Variants in ZBTB44 observed in about 807,000 individuals in gnomAD.
ZBTB44 encodes the protein zinc finger and BTB domain containing 44.
A neutral mutation model predicts 54.0 loss-of-function variants in ZBTB44; 15 were observed. The ratio of observed to expected loss-of-function variants is 0.28; its 90% CI spans 0.19 to 0.43. The LOEUF is 0.43. Ranked by LOEUF, ZBTB44 falls within the 20% of genes least tolerant of loss-of-function variation. The pLI, the probability that ZBTB44 is intolerant of heterozygous loss-of-function variation, is 1.00. For synonymous variants in ZBTB44, 230 were observed against 250.1 expected, an observed-to-expected ratio of 0.92 and a Z score of 0.76; for missense variants, 487 against 707.1, an observed-to-expected ratio of 0.69 and a Z score of 3.53.
intron 2 of ZBTB44, among the ~76,000 whole-genome samples, chr11:130,252,056 T>C (rs913231885): frequency 4.6e-5 from 7 of 151,502 alleles, no homozygotes; most frequent in African/African-American, 1.5e-4. Flanking sequence ...ACACATAGAC[T>C]CAAAATAAAG....
intron 2 of ZBTB44, among the ~76,000 whole-genome samples, chr11:130,256,879 T>C (rs1189630230): frequency 1.3e-5 from 2 of 152,006 alleles, no homozygotes; most frequent in African/African-American, 4.8e-5. Flanking sequence ...TTCAACACAG[T>C]ACTGGAAGTT....
chr11:130,251,015 T>C (rs1239759973), intron 2 of ZBTB44, among the ~76,000 whole-genome samples: 2 of 152,112 alleles, frequency 1.3e-5, no homozygotes, highest in Non-Finnish European at 2.9e-5. Context: ...GCATGTTCTA[T>C]CTCACCCAAT....
At chr11:130,246,290 T>C (rs1011721784) in intron 2 of ZBTB44, among the ~76,000 whole-genome samples, 10 of 152,042 alleles carry the variant, frequency 6.6e-5, no homozygotes, top group East Asian at 1.9e-4. Flanking sequence ...CACACACACA[T>C]ATATATATAC....
At chr11:130,290,851 G>T (rs1379186908) in intron 1 of ZBTB44, among the ~76,000 whole-genome samples, 1 of 152,098 alleles carries the variant, frequency 6.6e-6, no homozygotes, top group Non-Finnish European at 1.5e-5. Context: ...AAGCTTACAG[G>T]GCTAGTAACA....
Position 130,227,206 on chromosome 11 carries a change from ACAT to A in ZBTB44, c.*4555_*4557del, listed in dbSNP as rs1187459837. 6.6e-6 allele frequency: 1 copy of A among 152,202 alleles called. No individual in the cohort carries two copies. Among genetic ancestry groups the A allele is most frequent in the East Asian group, 1.9e-4 (1 of 5,202 alleles). 9.4% of individuals were successfully genotyped at this position (152,202 alleles called of 1,614,324 possible). A position where few individuals can be genotyped will look rare whatever the true frequency, so the allele number is the denominator to read the frequency against. On this transcript the variant is annotated 3_prime_UTR_variant, in exon 8 of 8. Coordinates refer to ENST00000357899, the MANE Select transcript of ZBTB44 (RefSeq NM_001301098.2). ...AAAATGTGAAGTTCTGATATTGTAT[ACAT>A]TTTTTGGAAATAAAACAAAATCCAA...
At chr11:130,252,887 T>G (rs1348436917) in intron 2 of ZBTB44, among the ~76,000 whole-genome samples, 1 of 152,306 alleles carries the variant, frequency 6.6e-6, no homozygotes, top group Admixed American at 6.5e-5. Context: ...GCTTCATCCC[T>G]GGGATGCAAG....
At chr11:130,294,322 GA>G (rs1274205102) in intron 1 of ZBTB44, among the ~76,000 whole-genome samples, 1 of 151,884 alleles carries the variant, frequency 6.6e-6, no homozygotes, top group African/African-American at 2.4e-5. Context: ...TGAGGCACAA[GA>G]ATTGCTTGAA....
chr11:130,301,257 T>C (rs190983147), intron 1 of ZBTB44, among the ~76,000 whole-genome samples: 9 of 152,180 alleles, frequency 5.9e-5, no homozygotes, highest in African/African-American at 2.2e-4. Flanking sequence ...GTAGCTAGAG[T>C]TCTTGTCTGG....
intron 1 of ZBTB44, among the ~76,000 whole-genome samples, chr11:130,262,918 G>A (rs1028964468): frequency 2.6e-5 from 4 of 152,094 alleles, no homozygotes; most frequent in African/African-American, 9.7e-5. Context: ...AAAATTAGGC[G>A]GGTGTGGTGG....
chr11:130,233,838 T>A, intron 6 of ZBTB44: 1 of 1,175,040 alleles, frequency 8.5e-7, no homozygotes, highest in East Asian at 5.5e-5. Context: ...TAAAATCAGT[T>A]TCAGGGCTCA....
At chr11:130,264,603 C>T (rs546985754) in intron 1 of ZBTB44, among the ~76,000 whole-genome samples, 2 of 152,004 alleles carry the variant, frequency 1.3e-5, no homozygotes, top group East Asian at 1.9e-4. Flanking sequence ...ATATATGGTA[C>T]GAAGTCTGAT....
chr11:130,253,798 C>CA (rs111641756), intron 2 of ZBTB44, among the ~76,000 whole-genome samples: 3,293 of 152,254 alleles, frequency 0.022, 94 homozygotes, highest in African/African-American at 0.066. Flanking sequence ...CTGGAGGCAC[C>CA]ACACTACCTG....
intron 2 of ZBTB44, among the ~76,000 whole-genome samples, chr11:130,248,886 T>A (rs1937752195): frequency 6.6e-6 from 1 of 152,096 alleles, no homozygotes; most frequent in Non-Finnish European, 1.5e-5. Flanking sequence ...GGTGGATCAC[T>A]TGAAGTCAGG....
At chr11:130,263,294 C>T (rs1787677032) in intron 1 of ZBTB44, among the ~76,000 whole-genome samples, 1 of 152,158 alleles carries the variant, frequency 6.6e-6, no homozygotes, top group Non-Finnish European at 1.5e-5. Flanking sequence ...ACTAGACAGC[C>T]AGGGACTGGT....
intron 1 of ZBTB44, chr11:130,296,738 T>C (rs1381203080): frequency 2.0e-5 from 18 of 907,158 alleles, no homozygotes; most frequent in Non-Finnish European, 3.1e-5. Flanking sequence ...AGTCTCAGCT[T>C]GAGAAATTGA....
At chr11:130,286,890 T>A (rs546416036) in intron 1 of ZBTB44, among the ~76,000 whole-genome samples, 43 of 152,314 alleles carry the variant, frequency 2.8e-4, no homozygotes, top group African/African-American at 1.0e-3. Flanking sequence ...CAGCACAGAC[T>A]GTTTATATAA....
At chr11:130,295,835 TA>T in intron 1 of ZBTB44, 1 of 1,379,846 alleles carries the variant, frequency 7.2e-7, no homozygotes, top group Non-Finnish European at 1.0e-6. Flanking sequence ...ACTAGAGAAT[TA>T]GCCATGCAAA....
At chr11:130,268,319 A>G (rs1204576475) in intron 1 of ZBTB44, among the ~76,000 whole-genome samples, 1 of 152,086 alleles carries the variant, frequency 6.6e-6, no homozygotes, top group Non-Finnish European at 1.5e-5. Flanking sequence ...AAACTGCCAC[A>G]ACTCCAATCT....
At chr11:130,276,827 AT>A (rs1940137647) in intron 1 of ZBTB44, among the ~76,000 whole-genome samples, 2 of 152,108 alleles carry the variant, frequency 1.3e-5, no homozygotes, top group Admixed American at 1.3e-4. Context: ...GTATTTTGGT[AT>A]TCTGTTATTA....
Sources: allele counts gnomAD v4.1 joint callset (sites outside exome capture counted in the v4.1 genomes callset), GRCh38; gene constraint gnomAD v4.1.1; transcripts MANE v1.5; gene names NCBI Gene and HGNC (gene_info 2026-07-23, HGNC 2026-07-21).